RERE: variants seen among roughly 807,000 people sequenced by gnomAD.
The protein encoded by RERE is arginine-glutamic acid dipeptide repeats.
RERE carries 40 observed loss-of-function variants against 146.1 expected under a neutral mutation model. The observed-to-expected ratio is 0.27, with a 90% CI of 0.21 to 0.36. The LOEUF is 0.36. Among genes scored for constraint, RERE ranks in the 10% least tolerant of loss-of-function variants. The pLI is 1.00. For synonymous variants in RERE, 1,003 were observed against 866.0 expected (o/e 1.16, Z -2.78); for missense variants, 1,933 against 2,138.7 (o/e 0.90, Z 1.90).
At chr1:8,604,585 G>A (rs1406845681) in intron 4 of RERE, among the ~76,000 whole-genome samples, 1 of 78,258 alleles carries the variant, frequency 1.3e-5, no homozygotes, top group Non-Finnish European at 2.5e-5. Context: ...AAGAAGGAAG[G>A]AAGGAAGGAA....
At chr1:8,480,552 C>T (rs1198080556) in intron 10 of RERE, among the ~76,000 whole-genome samples, 2 of 151,642 alleles carry the variant, frequency 1.3e-5, no homozygotes, top group Non-Finnish European at 2.9e-5. Flanking sequence ...TCTCCTGCCT[C>T]GGTCTCTCAA....
intron 4 of RERE, among the ~76,000 whole-genome samples, chr1:8,597,425 C>T (rs1646567840): frequency 6.6e-6 from 1 of 152,142 alleles, no homozygotes; most frequent in Non-Finnish European, 1.5e-5. Context: ...CATTTGAATT[C>T]TCAAAGAAAT....
At chr1:8,789,301 A>AAAAAAATATATAT in intron 1 of RERE, among the ~76,000 whole-genome samples, 10 of 24,814 alleles carry the variant, frequency 4.0e-4, no homozygotes, top group African/African-American at 1.8e-3. Flanking sequence ...AAAAAAAAAA[A>AAAAAAATATATAT]ATATATATAT....
At chr1:8,753,449 G>T (rs565041060) in intron 1 of RERE, 1 of 152,246 alleles carries the variant, frequency 6.6e-6, no homozygotes, top group South Asian at 2.1e-4. Flanking sequence ...ACATTTCAGT[G>T]TGAGTCTTGT....
intron 12 of RERE, among the ~76,000 whole-genome samples, chr1:8,371,399 C>T (rs773332072): frequency 9.9e-5 from 15 of 151,924 alleles, no homozygotes; most frequent in Non-Finnish European, 2.1e-4. Context: ...TAATTTCCCA[C>T]AAAAAGAAAA....
intron 1 of RERE, among the ~76,000 whole-genome samples, chr1:8,764,379 G>A (rs963467135): frequency 3.3e-5 from 5 of 151,972 alleles, no homozygotes; most frequent in East Asian, 1.9e-4. Context: ...ATACTGCTTC[G>A]GGTACTAACT....
intron 1 of RERE, among the ~76,000 whole-genome samples, chr1:8,775,118 G>A (rs1241120048): frequency 2.0e-5 from 3 of 151,436 alleles, no homozygotes; most frequent in East Asian, 3.9e-4. Flanking sequence ...ACGCCACCAC[G>A]CCCGGCTAAT....
chr1:8,803,346 TA>T (rs1454263687), intron 1 of RERE, among the ~76,000 whole-genome samples: 2 of 152,028 alleles, frequency 1.3e-5, no homozygotes, highest in African/African-American at 4.8e-5. Flanking sequence ...CACATGCCTG[TA>T]AGGTCCCAGC....
At chr1:8,626,144 G>C (rs1260870374) in intron 2 of RERE, among the ~76,000 whole-genome samples, 2 of 152,310 alleles carry the variant, frequency 1.3e-5, no homozygotes, top group East Asian at 3.9e-4. Context: ...CACCACAGTA[G>C]ATCATTCTTT....
Position 8,760,307 on chromosome 1 carries a change from G to A in RERE, c.-145+56853C>T, listed in dbSNP as rs112452285. Among the ~76,000 whole-genome samples, 404 of 152,348 alleles carry A rather than the reference G, an allele frequency of 2.7e-3. 2 individuals are homozygous for A. The highest frequency in any genetic ancestry group is 4.9e-3 in the Non-Finnish European group (335 of 68,036). ...CTCCCAAAGTGCAGGGATTAGAGGC[G>A]TAAGCCACTGCGCCCAGCCCCTAGG... On this transcript the variant is annotated intron_variant, in intron 1 of 22. Coordinates refer to ENST00000400908, the MANE Select transcript of RERE (RefSeq NM_001042681.2).
chr1:8,467,632 T>A lies in RERE; in HGVS notation c.1105-1609A>T, dbSNP rs369204125. Reference sequence around the variant, plus strand: ...GCCAACAAAAGGAATATCACAAACATTCATTTTCTTTTATTTTTTTCTTTT... The same window carrying A: ...GCCAACAAAAGGAATATCACAAACAATCATTTTCTTTTATTTTTTTCTTTT... On this transcript the variant is annotated intron_variant, in intron 10 of 22. Transcript: ENST00000400908. 3.0e-4 allele frequency among the ~76,000 whole-genome samples: 46 copies of A among 152,268 alleles called. No individual in the cohort carries two copies. The South Asian group carries it at 8.5e-3, about 28-fold the overall frequency.
chr1:8,376,499 A>G (rs928177308), intron 12 of RERE, among the ~76,000 whole-genome samples: 1 of 152,166 alleles, frequency 6.6e-6, no homozygotes, highest in Non-Finnish European at 1.5e-5. Context: ...TACCAAGAAC[A>G]ACCTCTATGA....
At chr1:8,611,219 C>T (rs575746859) in intron 4 of RERE, among the ~76,000 whole-genome samples, 1 of 148,318 alleles carries the variant, frequency 6.7e-6, no homozygotes, top group South Asian at 2.1e-4. Context: ...ACAAAACATA[C>T]ACAGCCAGGT....
chr1:8,475,946 T>C lies in RERE; in HGVS notation c.1105-9923A>G, dbSNP rs541465636. Among the ~76,000 whole-genome samples the C allele has an allele frequency of 4.6e-5, 7 of 152,254 alleles. No individual in the cohort carries two copies. The South Asian group carries it at 1.5e-3, about 32-fold the overall frequency. The stretch of plus-strand genomic sequence containing the variant: ...TTACGGGAGCAAAATTCAGGGATAA[T>C]GGAAAAGACAAAGAATTTAACTGCA... On this transcript the variant is annotated intron_variant, in intron 10 of 22. Transcript: ENST00000400908.
At chr1:8,429,067 C>T (rs1479627091) in intron 11 of RERE, among the ~76,000 whole-genome samples, 1 of 152,130 alleles carries the variant, frequency 6.6e-6, no homozygotes, top group East Asian at 1.9e-4. Context: ...CAGGGAAACA[C>T]CACCCTAGAA....
At chr1:8,432,718 G>C (rs1644111939) in intron 11 of RERE, among the ~76,000 whole-genome samples, 1 of 152,128 alleles carries the variant, frequency 6.6e-6, no homozygotes, top group Non-Finnish European at 1.5e-5. Context: ...ATAACTGTTG[G>C]GTGGCTGCAT....
At chr1:8,366,934 A>AC (rs1641828946) in intron 12 of RERE, among the ~76,000 whole-genome samples, 3 of 150,232 alleles carry the variant, frequency 2.0e-5, no homozygotes, top group Non-Finnish European at 4.4e-5. Flanking sequence ...AAAAACAAAA[A>AC]AAAAAAACCC....
Position 8,429,762 on chromosome 1 carries a change from T to C in RERE, c.1204-6955A>G, listed in dbSNP as rs184886610. Reference sequence around the variant, plus strand: ...ATTAAAATGATTCCCACTGTGAAAATGGCTCCTTCTGTTTTACCCTGATTT... The same window carrying C: ...ATTAAAATGATTCCCACTGTGAAAACGGCTCCTTCTGTTTTACCCTGATTT... On this transcript the variant is annotated intron_variant, in intron 11 of 22. Coordinates refer to ENST00000400908, the MANE Select transcript of RERE (RefSeq NM_001042681.2). 28 of 152,744 alleles carry C rather than the reference T, an allele frequency of 1.8e-4. 1 individual carries two copies. The highest frequency in any genetic ancestry group is 1.7e-3 in the Admixed American group (26 of 15,296). The allele number at this position is 152,744 out of a possible 1,614,324, so 9.5% of individuals were successfully genotyped here.
chr1:8,767,126 C>A (rs1640863978), intron 1 of RERE, among the ~76,000 whole-genome samples: 1 of 152,106 alleles, frequency 6.6e-6, no homozygotes, highest in African/African-American at 2.4e-5. Flanking sequence ...ATTTTCTACA[C>A]CAGAAACTGT....
Sources: allele counts gnomAD v4.1 joint callset (sites outside exome capture counted in the v4.1 genomes callset), GRCh38; gene constraint gnomAD v4.1.1; transcripts MANE v1.5; gene names NCBI Gene and HGNC (gene_info 2026-07-23, HGNC 2026-07-21).